C1orf21: variants seen among roughly 807,000 people sequenced by gnomAD.
C1orf21 encodes the protein chromosome 1 open reading frame 21.
A neutral mutation model predicts 18.7 loss-of-function variants in C1orf21; 3 were observed. The ratio of observed to expected loss-of-function variants is 0.16; its 90% confidence interval spans 0.07 to 0.42. The LOEUF (loss-of-function observed/expected upper bound fraction) is 0.42. Ranked by LOEUF, C1orf21 falls within the 10% of genes least tolerant of loss-of-function variation. The probability of loss-of-function intolerance (pLI) is 0.99; values close to 1 mark genes in which losing one functional copy is unlikely to be tolerated. For missense variants in C1orf21, 104 were observed against 143.6 expected (o/e 0.72, Z 1.41); for synonymous variants, 41 against 46.4 (o/e 0.88, Z 0.47).
intron 3 of C1orf21, among the ~76,000 whole-genome samples, chr1:184,563,073 T>G (rs1185841332): frequency 6.6e-6 from 1 of 152,226 alleles, no homozygotes. Flanking sequence ...AGCTGAATTG[T>G]GGAGCAAGAG....
chr1:184,489,203 G>A (rs1657778505), intron 2 of C1orf21, among the ~76,000 whole-genome samples: 1 of 152,030 alleles, frequency 6.6e-6, no homozygotes, highest in Admixed American at 6.6e-5. Context: ...CAATACAACT[G>A]AAGTTAATAT....
intron 1 of C1orf21, among the ~76,000 whole-genome samples, chr1:184,407,035 A>C (rs889941027): frequency 2.0e-5 from 3 of 152,082 alleles, no homozygotes; most frequent in African/African-American, 7.2e-5. Flanking sequence ...TGGCTCAATC[A>C]TAGTAGCTTA....
intron 3 of C1orf21, among the ~76,000 whole-genome samples, chr1:184,547,411 A>G (rs575736320): frequency 2.2e-3 from 312 of 142,620 alleles, no homozygotes; most frequent in Non-Finnish European, 3.7e-3. Context: ...ATTTAAAGAT[A>G]CATCCAGACT....
intron 1 of C1orf21, among the ~76,000 whole-genome samples, chr1:184,425,322 C>T (rs1261109777): frequency 6.6e-6 from 1 of 150,852 alleles, no homozygotes; most frequent in African/African-American, 2.4e-5. Flanking sequence ...GGATGGAGTG[C>T]AGTGGTGTGA....
At chr1:184,607,679 A>G (rs1045654954) in intron 5 of C1orf21, among the ~76,000 whole-genome samples, 1 of 151,214 alleles carries the variant, frequency 6.6e-6, no homozygotes, top group South Asian at 2.1e-4. Flanking sequence ...GTGTATATAT[A>G]TACATATATG....
At chr1:184,615,244 G>C (rs988483234) in intron 5 of C1orf21, among the ~76,000 whole-genome samples, 1 of 152,140 alleles carries the variant, frequency 6.6e-6, no homozygotes, top group East Asian at 1.9e-4. Context: ...TGAAGAAGAC[G>C]TGGAAGCCTC....
intron 2 of C1orf21, among the ~76,000 whole-genome samples, chr1:184,490,004 T>C (rs1384574977): frequency 6.6e-6 from 1 of 152,236 alleles, no homozygotes; most frequent in Non-Finnish European, 1.5e-5. Flanking sequence ...AGAAGGCCTT[T>C]AGTTGTGTTT....
chr1:184,510,234 G>A (rs1003916782), intron 3 of C1orf21, among the ~76,000 whole-genome samples: 4 of 152,186 alleles, frequency 2.6e-5, no homozygotes, highest in African/African-American at 4.8e-5. Flanking sequence ...AGTACTTGAA[G>A]TCACAGTCCT....
chr1:184,516,476 G>A (rs1476853853), intron 3 of C1orf21, among the ~76,000 whole-genome samples: 2 of 152,106 alleles, frequency 1.3e-5, no homozygotes, highest in African/African-American at 4.8e-5. Context: ...CCATTTTCAT[G>A]CTGCTGACAA....
chr1:184,422,865 A>G (rs1656567647), intron 1 of C1orf21, among the ~76,000 whole-genome samples: 2 of 152,224 alleles, frequency 1.3e-5, no homozygotes, highest in Non-Finnish European at 2.9e-5. Flanking sequence ...ATGGCTTGGT[A>G]AGTGTTGATG....
chr1:184,461,122 C>G (rs1236374564), intron 1 of C1orf21, among the ~76,000 whole-genome samples: 1 of 152,154 alleles, frequency 6.6e-6, no homozygotes, highest in Non-Finnish European at 1.5e-5. Context: ...CTCAGCCAAT[C>G]AGGCTTTGAA....
At chr1:184,408,535 G>C (rs1353235366) in intron 1 of C1orf21, 1 of 152,126 alleles carries the variant, frequency 6.6e-6, no homozygotes, top group Non-Finnish European at 1.5e-5. Flanking sequence ...CTGTTCTACT[G>C]GGCTTTTCAT....
At position 184,625,560 on chromosome 1, in the gene C1orf21, A is replaced by T. The variant is rs1353943723; in HGVS notation, c.*6004A>T. On this transcript the variant is annotated 3_prime_UTR_variant, in exon 6 of 6. Transcript: ENST00000235307. ...CACACATACACATACACGCGCATAC[A>T]TACATATACAGAGAGATACGTGGAG... 2 of 152,632 alleles carry T rather than the reference A, an allele frequency of 1.3e-5. No homozygotes were observed. Among genetic ancestry groups the T allele is most frequent in the Non-Finnish European group, 2.9e-5 (2 of 68,044 alleles). The allele number at this position is 152,632 out of a possible 1,614,324, so 9.5% of individuals were successfully genotyped here. A position where few individuals can be genotyped will look rare whatever the true frequency, so the allele number is the denominator to read the frequency against.
At chr1:184,561,465 T>G (rs912298547) in intron 3 of C1orf21, among the ~76,000 whole-genome samples, 2 of 152,190 alleles carry the variant, frequency 1.3e-5, no homozygotes, top group African/African-American at 4.8e-5. Context: ...GATCAGTAGA[T>G]TTGAATCAAA....
chr1:184,604,817 C>T (rs1341141980), intron 5 of C1orf21, among the ~76,000 whole-genome samples: 2 of 152,166 alleles, frequency 1.3e-5, no homozygotes, highest in Non-Finnish European at 2.9e-5. Context: ...ATGAGTCAGG[C>T]AACAAGCTGA....
chr1:184,477,944 A>G (rs16823252), intron 2 of C1orf21, among the ~76,000 whole-genome samples: 2,263 of 152,342 alleles, frequency 0.015, 31 homozygotes, highest in Non-Finnish European at 0.024. Flanking sequence ...TTATTGGGTT[A>G]TACCGTCTGA....
intron 5 of C1orf21, among the ~76,000 whole-genome samples, chr1:184,606,461 T>TC (rs1659648527): frequency 6.6e-6 from 1 of 152,114 alleles, no homozygotes; most frequent in Non-Finnish European, 1.5e-5. Flanking sequence ...TCACCTGTAG[T>TC]CCCAGTTACT....
chr1:184,571,912 T>C (rs1659119011), intron 3 of C1orf21, among the ~76,000 whole-genome samples: 1 of 152,216 alleles, frequency 6.6e-6, no homozygotes, highest in Non-Finnish European at 1.5e-5. Flanking sequence ...CTTCTTAATG[T>C]TCTCAACTGT....
intron 4 of C1orf21, among the ~76,000 whole-genome samples, chr1:184,592,427 A>G (rs547259704): frequency 6.6e-6 from 1 of 152,324 alleles, no homozygotes; most frequent in East Asian, 1.9e-4. Flanking sequence ...GTTAAAAAAC[A>G]ATAATGAGTA....
Sources: gnomAD v4.1 joint callset for allele counts (sites outside exome capture counted in the v4.1 genomes callset) on GRCh38, gnomAD v4.1.1 for gene constraint, MANE v1.5 for transcripts, NCBI Gene and HGNC (gene_info 2026-07-23, HGNC 2026-07-21) for gene names.